The following CADM2 variants were observed in gnomAD, a reference collection of about 807,000 sequenced individuals.
The protein encoded by CADM2 is immunoglobulin superfamily member 4D.
Under a neutral mutation model 49.8 loss-of-function variants are expected in CADM2, and 12 were observed. The observed-to-expected ratio is 0.24, with a 90% CI of 0.15 to 0.39. The LOEUF (loss-of-function observed/expected upper bound fraction) is 0.39, where lower values mean the gene tolerates loss of function less well. CADM2 is among the 10% of genes least tolerant of loss of function. The probability of loss-of-function intolerance (pLI) is 1.00; values close to 1 mark genes in which losing one functional copy is unlikely to be tolerated. For missense variants in CADM2, 378 were observed against 492.3 expected (o/e 0.77, Z 2.20); for synonymous variants, 214 against 175.4 (o/e 1.22, Z -1.74).
chr3:86,057,982 C>T (rs1436391040), intron 8 of CADM2, among the ~76,000 whole-genome samples: 1 of 152,120 alleles, frequency 6.6e-6, no homozygotes, highest in Non-Finnish European at 1.5e-5. Context: ...TATTTCAAAA[C>T]TAGTTTAAGC....
chr3:85,072,330 T>A (rs138731430), intron 1 of CADM2, among the ~76,000 whole-genome samples: 8 of 152,146 alleles, frequency 5.3e-5, no homozygotes, highest in African/African-American at 1.7e-4. Context: ...TATTAAATAT[T>A]CTCTGATGAG....
At chr3:85,864,589 T>C (rs745552548) in intron 3 of CADM2, among the ~76,000 whole-genome samples, 17 of 152,218 alleles carry the variant, frequency 1.1e-4, no homozygotes, top group East Asian at 3.9e-4. Context: ...TTTTGAGTGA[T>C]TTGCTAGTAA....
chr3:85,781,613 T>A (rs1374863012), intron 2 of CADM2, among the ~76,000 whole-genome samples: 1 of 152,174 alleles, frequency 6.6e-6, no homozygotes, highest in Non-Finnish European at 1.5e-5. Context: ...AATCAGGAAT[T>A]ATATCTGTGG....
At chr3:85,376,799 T>A (rs139648147) in intron 1 of CADM2, among the ~76,000 whole-genome samples, 2 of 152,202 alleles carry the variant, frequency 1.3e-5, no homozygotes, top group Non-Finnish European at 2.9e-5. Context: ...GTAATTTTGC[T>A]TTTAAAATGA....
chr3:86,033,206 C>A (rs1396383825), intron 8 of CADM2, among the ~76,000 whole-genome samples: 1 of 151,960 alleles, frequency 6.6e-6, no homozygotes, highest in African/African-American at 2.4e-5. Context: ...TCACTCATCA[C>A]AGTCACCAAA....
intron 1 of CADM2, among the ~76,000 whole-genome samples, chr3:85,531,242 A>T (rs1245645450): frequency 1.3e-5 from 2 of 151,916 alleles, no homozygotes; most frequent in South Asian, 2.1e-4. Flanking sequence ...TTTGTCATTA[A>T]TTTTTTGATT....
chr3:85,487,504 G>C (rs2107638832), intron 1 of CADM2, among the ~76,000 whole-genome samples: 1 of 151,874 alleles, frequency 6.6e-6, no homozygotes, highest in Middle Eastern at 3.4e-3. Context: ...AAGAGGAGTA[G>C]GAGGAAGTGG....
intron 1 of CADM2, among the ~76,000 whole-genome samples, chr3:85,548,384 T>A (rs1349692249): frequency 6.6e-6 from 1 of 151,798 alleles, no homozygotes; most frequent in Non-Finnish European, 1.5e-5. Flanking sequence ...GAAACTGTTT[T>A]AGCCTGTGGC....
chr3:85,337,211 A>C (rs2045113813), intron 1 of CADM2, among the ~76,000 whole-genome samples: 1 of 150,156 alleles, frequency 6.7e-6, no homozygotes, highest in Non-Finnish European at 1.5e-5. Flanking sequence ...GCATCTTTAA[A>C]CTCCAACTGA....
At chr3:85,918,153 C>A (rs909136984) in intron 6 of CADM2, among the ~76,000 whole-genome samples, 2 of 152,168 alleles carry the variant, frequency 1.3e-5, no homozygotes, top group African/African-American at 4.8e-5. Flanking sequence ...ATTCACTTCT[C>A]CTTCCTGATT....
intron 1 of CADM2, among the ~76,000 whole-genome samples, chr3:85,498,001 A>G (rs750643459): frequency 6.6e-6 from 1 of 152,002 alleles, no homozygotes; most frequent in African/African-American, 2.4e-5. Context: ...TGTAACCTCA[A>G]TATTAACACC....
intron 1 of CADM2, among the ~76,000 whole-genome samples, chr3:85,106,458 A>G (rs2038230967): frequency 6.6e-6 from 1 of 152,168 alleles, no homozygotes; most frequent in South Asian, 2.1e-4. Context: ...ACATCCCAGT[A>G]CATAGTTTTA....
chr3:85,055,654 A>G (rs2036052904), intron 1 of CADM2, among the ~76,000 whole-genome samples: 1 of 152,144 alleles, frequency 6.6e-6, no homozygotes, highest in African/African-American at 2.4e-5. Flanking sequence ...TCCATTGCAG[A>G]TACCTGCTTG....
At chr3:85,203,415 G>A (rs565804804) in intron 1 of CADM2, among the ~76,000 whole-genome samples, 9 of 152,206 alleles carry the variant, frequency 5.9e-5, no homozygotes, top group South Asian at 4.1e-4. Flanking sequence ...TCAAGGGAAG[G>A]GTGGTTGGTG....
chr3:85,449,094 T>TAAA (rs2037628471), intron 1 of CADM2, among the ~76,000 whole-genome samples: 1 of 146,022 alleles, frequency 6.8e-6, no homozygotes, highest in Non-Finnish European at 1.5e-5. Flanking sequence ...ATTATATAAT[T>TAAA]CATTATACCA....
At chr3:86,037,518 T>G (rs2107203997) in intron 8 of CADM2, among the ~76,000 whole-genome samples, 1 of 152,210 alleles carries the variant, frequency 6.6e-6, no homozygotes, top group East Asian at 1.9e-4. Flanking sequence ...TGGGAAAAAG[T>G]AAGTTACCAA....
chr3:85,062,656 TTAATG>T (rs1373089446), intron 1 of CADM2, among the ~76,000 whole-genome samples: 2 of 151,790 alleles, frequency 1.3e-5, no homozygotes, highest in Non-Finnish European at 2.9e-5. Flanking sequence ...GTGGAATACA[TTAATG>T]TAATATTTTA....
chr3:85,679,042 A>T (rs1490990731), intron 1 of CADM2, among the ~76,000 whole-genome samples: 1 of 152,180 alleles, frequency 6.6e-6, no homozygotes. Context: ...AGCGAATCAG[A>T]CACTCTGCCC....
At chr3:85,988,898 T>C (rs918051885) in intron 8 of CADM2, among the ~76,000 whole-genome samples, 7 of 152,130 alleles carry the variant, frequency 4.6e-5, no homozygotes, top group Non-Finnish European at 1.5e-5. Flanking sequence ...AGAAAGCAAC[T>C]GTGAACTAAC....
Sources: allele counts gnomAD v4.1 joint callset (sites outside exome capture counted in the v4.1 genomes callset), GRCh38; gene constraint gnomAD v4.1.1; transcripts MANE v1.5; gene names NCBI Gene and HGNC (gene_info 2026-07-23, HGNC 2026-07-21).